The following ACADSB variants were observed in gnomAD, a reference collection of about 807,000 sequenced individuals.
The protein encoded by ACADSB is acyl-CoA dehydrogenase short/branched chain.
A neutral mutation model predicts 54.1 loss-of-function variants in ACADSB; 40 were observed. That is an observed-to-expected ratio of 0.74 (90% CI 0.57 to 0.96). ACADSB has a LOEUF of 0.96. Among genes scored for constraint, ACADSB ranks in the 40% least tolerant of loss-of-function variants. The pLI, the probability that ACADSB is intolerant of heterozygous loss-of-function variation, is 0.00. For missense variants in ACADSB, 530 were observed against 510.4 expected (o/e 1.04, Z -0.37); for synonymous variants, 182 against 182.8 (o/e 1.00, Z 0.03).
intron 1 of ACADSB, among the ~76,000 whole-genome samples, chr10:123,012,596 C>G (rs912105299): frequency 6.6e-6 from 1 of 151,958 alleles, no homozygotes; most frequent in African/African-American, 2.4e-5. Flanking sequence ...GTGGTGTCAC[C>G]GGCTCAGGAG....
chr10:123,035,886 A>G (rs1166211489), intron 2 of ACADSB, among the ~76,000 whole-genome samples: 3 of 151,814 alleles, frequency 2.0e-5, no homozygotes, highest in African/African-American at 7.3e-5. Context: ...AAAGAGCCCC[A>G]CCTTTTTTAA....
In ACADSB at chr10:123,040,532, G is replaced by T; in HGVS notation, c.370G>T (p.Val124Leu). 1 of 1,614,036 alleles carries T rather than the reference G, an allele frequency of 6.2e-7. No individual in the cohort carries two copies. Among genetic ancestry groups the T allele is most frequent in the Non-Finnish European group, 8.5e-7 (1 of 1,179,988 alleles). The change falls in exon 4 of 11, where the codon GTG becomes TTG. Residue 124 changes from valine to leucine, a missense_variant. By Grantham distance (32) the Val-to-Leu change is conservative. Transcript: ENST00000358776. ...TGASFLSTVL[V>L]IEELAKVDAS... ...AGCTTCATTTTTATCCACTGTGCTC[G>T]TGATAGAGGAATTAGCCAAAGTTGA... is the stretch of plus-strand genomic sequence containing the variant.
intron 1 of ACADSB, among the ~76,000 whole-genome samples, chr10:123,026,281 C>T (rs576729640): frequency 9.9e-5 from 15 of 152,260 alleles, no homozygotes; most frequent in Middle Eastern, 3.4e-3. Flanking sequence ...AAACTTAAAC[C>T]GAGCCTTCTG....
intron 8 of ACADSB, 40 bp downstream of exon 8, chr10:123,047,338 C>T (rs1850574726): frequency 7.3e-7 from 1 of 1,376,546 alleles, no homozygotes; most frequent in Non-Finnish European, 1.0e-6. Flanking sequence ...GTTAGACTTC[C>T]CCAGCTTCCT....
chr10:123,014,846 G>A (rs919964892), intron 1 of ACADSB, among the ~76,000 whole-genome samples: 1 of 152,240 alleles, frequency 6.6e-6, no homozygotes, highest in East Asian at 1.9e-4. Flanking sequence ...GCACGCAAAG[G>A]TGTAGAGGTA....
chr10:123,023,493 CACAA>C (rs777823853), intron 1 of ACADSB, among the ~76,000 whole-genome samples: 11 of 152,130 alleles, frequency 7.2e-5, no homozygotes, highest in East Asian at 1.9e-4. Flanking sequence ...CACACACACA[CACAA>C]ACAAAGATCC....
At chr10:123,026,235 A>C (rs1473787140) in intron 1 of ACADSB, among the ~76,000 whole-genome samples, 1 of 152,226 alleles carries the variant, frequency 6.6e-6, no homozygotes, top group Non-Finnish European at 1.5e-5. Flanking sequence ...TAAACTGAAA[A>C]CATCCAATCA....
At position 123,056,755 on chromosome 10, in the gene ACADSB, T is replaced by G. The variant is rs1480955415; in HGVS notation, c.*2990T>G. 1.3e-5 allele frequency: 2 copies of G among 152,286 alleles called. No individual in the cohort carries two copies. Among genetic ancestry groups the G allele is most frequent in the Non-Finnish European group, 1.5e-5 (1 of 68,044 alleles). The allele number at this position is 152,286 out of a possible 1,614,324, so 9.4% of individuals were successfully genotyped here. A position where few individuals can be genotyped will look rare whatever the true frequency, so the allele number is the denominator to read the frequency against. On this transcript the variant is annotated 3_prime_UTR_variant, in exon 11 of 11. Coordinates refer to ENST00000358776, the MANE Select transcript of ACADSB (RefSeq NM_001609.4). ...ACATTTTAGTAATTTAATAAAAGGA[T>G]AATGTTTATTTAAAAAACCTGACTT...
chr10:123,036,030 C>T (rs1403526404), intron 2 of ACADSB, among the ~76,000 whole-genome samples: 2 of 152,152 alleles, frequency 1.3e-5, no homozygotes, highest in Non-Finnish European at 2.9e-5. Context: ...CATGTATACA[C>T]CAGCGGCTGG....
chr10:123,047,342 G>A lies in ACADSB; in HGVS notation c.990+44G>A, dbSNP rs59024568. 1.4e-3 allele frequency: 1,857 copies of A among 1,357,384 alleles called. 28 individuals are homozygous for A. In the African/African-American group the frequency reaches 0.017, roughly 12 times the overall value. 84.1% of individuals were successfully genotyped at this position (1,357,384 alleles called of 1,614,324 possible). A position where few individuals can be genotyped will look rare whatever the true frequency, so the allele number is the denominator to read the frequency against. On this transcript the variant is annotated intron_variant, in intron 8 of 10. Transcript: ENST00000358776. ...CTTTCTGCTGTGTTAGACTTCCCCA[G>A]CTTCCTGTTAATGAAGGGCTGTGTT... is the stretch of plus-strand genomic sequence containing the variant.
At chr10:123,040,805 C>A in intron 4 of ACADSB, 133 bp downstream of exon 4, 2 of 862,544 alleles carry the variant, frequency 2.3e-6, no homozygotes, top group Non-Finnish European at 3.7e-6. Flanking sequence ...TCAAGCAATG[C>A]TTGATAAATT....
chr10:123,027,594 T>G lies in ACADSB; in HGVS notation c.43-6762T>G, dbSNP rs1461686341. On this transcript the variant is annotated intron_variant, in intron 1 of 10. Coordinates refer to ENST00000358776, the MANE Select transcript of ACADSB (RefSeq NM_001609.4). The stretch of plus-strand genomic sequence containing the variant: ...AGGCCCTCCCAGCCATATGGAACTG[T>G]AAGTCCAGTTAAACCTCTTTTTCTT... 3 of 452,470 alleles carry G rather than the reference T, an allele frequency of 6.6e-6. No individual in the cohort carries two copies. The East Asian group carries it at 2.1e-4, about 32-fold the overall frequency. The allele number at this position is 452,470 out of a possible 1,614,324, so 28.0% of individuals were successfully genotyped here.
At chr10:123,042,476 T>TTTTTTTTTC (rs1850488079) in intron 5 of ACADSB, among the ~76,000 whole-genome samples, 1 of 146,004 alleles carries the variant, frequency 6.8e-6, no homozygotes, top group Non-Finnish European at 1.5e-5. Flanking sequence ...TTTTTTTTTT[T>TTTTTTTTTC]TGAGACGGAG....
intron 8 of ACADSB, among the ~76,000 whole-genome samples, chr10:123,049,968 G>A (rs962497089): frequency 5.3e-5 from 8 of 152,208 alleles, no homozygotes; most frequent in African/African-American, 1.4e-4. Flanking sequence ...TCACAGGGGA[G>A]AAGATATTGA....
chr10:123,034,536 C>T, intron 2 of ACADSB, 21 bp downstream of exon 2: 1 of 1,599,562 alleles, frequency 6.3e-7, no homozygotes, highest in Admixed American at 1.7e-5. Context: ...TTATCAGTGT[C>T]ACCTTTTTCT....
chr10:123,045,475 C>T (rs936309249), intron 7 of ACADSB, among the ~76,000 whole-genome samples: 10 of 151,824 alleles, frequency 6.6e-5, no homozygotes, highest in East Asian at 5.8e-4. Context: ...CCACCGCGCC[C>T]GGCGTTTGTA....
intron 1 of ACADSB, among the ~76,000 whole-genome samples, chr10:123,032,777 T>G (rs1228155296): frequency 2.0e-5 from 3 of 151,828 alleles, no homozygotes. Flanking sequence ...TTAGTAGAGA[T>G]GGGGTTTCTC....
intron 1 of ACADSB, among the ~76,000 whole-genome samples, chr10:123,011,040 G>C (rs762539119): frequency 5.3e-5 from 8 of 152,156 alleles, no homozygotes; most frequent in Non-Finnish European, 1.2e-4. Context: ...GGAATTGGGG[G>C]TTGATCCTTT....
rs181180604 is a variant in ACADSB, at chr10:123,018,761, C to T, written c.42+9690C>T. On this transcript the variant is annotated intron_variant, in intron 1 of 10. Transcript: ENST00000358776. ...AGGAGCAAAGGCACGTCTTACATAG[C>T]AGCAGGCAAGAGAGAAGTGCAGGGG... Among the ~76,000 whole-genome samples the T allele has an allele frequency of 2.8e-4, 42 of 152,276 alleles. No individual in the cohort carries two copies. In the East Asian group the frequency reaches 6.6e-3, roughly 24 times the overall value.
Sources: gnomAD v4.1 joint callset for allele counts (sites outside exome capture counted in the v4.1 genomes callset) on GRCh38, gnomAD v4.1.1 for gene constraint, MANE v1.5 for transcripts, NCBI Gene and HGNC (gene_info 2026-07-23, HGNC 2026-07-21) for gene names.